The following ZNF385D variants were observed in gnomAD, a reference collection of about 807,000 sequenced individuals.
The protein encoded by ZNF385D is zinc finger protein 659.
A neutral mutation model predicts 35.8 loss-of-function variants in ZNF385D; 15 were observed. That is an observed-to-expected ratio of 0.42 (90% CI 0.28 to 0.64). The LOEUF (loss-of-function observed/expected upper bound fraction) is 0.64. Ranked by LOEUF, ZNF385D falls within the 30% of genes least tolerant of loss-of-function variation. The pLI is 0.23. For synonymous variants in ZNF385D, 212 were observed against 186.8 expected, an observed-to-expected ratio of 1.13 and a Z score of -1.10; for missense variants, 474 against 494.6, an observed-to-expected ratio of 0.96 and a Z score of 0.39.
intron 1 of ZNF385D, among the ~76,000 whole-genome samples, chr3:21,749,301 C>T (rs573195313): frequency 2.6e-5 from 4 of 152,286 alleles, no homozygotes; most frequent in Non-Finnish European, 5.9e-5. Flanking sequence ...AATAGTCACA[C>T]GATAATCCAG....
intron 3 of ZNF385D, among the ~76,000 whole-genome samples, chr3:21,945,238 G>T (rs1287067341): frequency 6.6e-6 from 1 of 151,920 alleles, no homozygotes; most frequent in Non-Finnish European, 1.5e-5. Context: ...AGAGAGAGGA[G>T]AAAGAGAAAT....
chr3:22,300,537 T>A (rs908934975), intron 2 of ZNF385D, among the ~76,000 whole-genome samples: 4 of 151,872 alleles, frequency 2.6e-5, no homozygotes, highest in Admixed American at 2.6e-4. Flanking sequence ...TGCAAACTAT[T>A]CATCTGAAAA....
At chr3:21,713,501 T>TC (rs1240125940) in intron 1 of ZNF385D, among the ~76,000 whole-genome samples, 4 of 151,970 alleles carry the variant, frequency 2.6e-5, no homozygotes, top group Admixed American at 6.6e-5. Context: ...CTGGTCTCCT[T>TC]CCCTCCTTCT....
chr3:22,131,092 T>C (rs866129781), intron 3 of ZNF385D, among the ~76,000 whole-genome samples: 4 of 152,136 alleles, frequency 2.6e-5, no homozygotes, highest in African/African-American at 9.7e-5. Flanking sequence ...AACAGTTAAA[T>C]TCATGATGTT....
At chr3:22,000,458 GC>G (rs1695767947) in intron 3 of ZNF385D, among the ~76,000 whole-genome samples, 2 of 152,166 alleles carry the variant, frequency 1.3e-5, no homozygotes, top group Admixed American at 1.3e-4. Context: ...AAAAGGGGAG[GC>G]ATGAATAATC....
At chr3:21,451,739 C>G (rs138703533) in intron 4 of ZNF385D, among the ~76,000 whole-genome samples, 1 of 152,088 alleles carries the variant, frequency 6.6e-6, no homozygotes, top group Non-Finnish European at 1.5e-5. Flanking sequence ...TTTGTATCCA[C>G]TTCTCTGTTT....
chr3:21,425,852 A>G (rs1020327943), intron 5 of ZNF385D, among the ~76,000 whole-genome samples, 182 bp from the exon 6 acceptor site: 7 of 152,228 alleles, frequency 4.6e-5, no homozygotes, highest in Non-Finnish European at 1.0e-4. Flanking sequence ...AAGTATATAC[A>G]TGATACAGCA....
intron 2 of ZNF385D, among the ~76,000 whole-genome samples, chr3:22,183,180 C>T (rs1695398559): frequency 6.6e-6 from 1 of 152,112 alleles, no homozygotes; most frequent in South Asian, 2.1e-4. Flanking sequence ...GTTAAGTTTA[C>T]ATATAGTATT....
intron 3 of ZNF385D, among the ~76,000 whole-genome samples, chr3:22,032,845 A>G (rs931303272): frequency 6.6e-6 from 1 of 152,036 alleles, no homozygotes; most frequent in Non-Finnish European, 1.5e-5. Context: ...CTCCACAATT[A>G]CCCCTGAGCT....
intron 3 of ZNF385D, among the ~76,000 whole-genome samples, chr3:21,555,321 C>T (rs928435453): frequency 6.6e-6 from 1 of 151,754 alleles, no homozygotes; most frequent in African/African-American, 2.4e-5. Flanking sequence ...CACCCATCAA[C>T]CTGTCATCTA....
At chr3:21,952,312 T>C (rs927445177) in intron 3 of ZNF385D, among the ~76,000 whole-genome samples, 8 of 151,988 alleles carry the variant, frequency 5.3e-5, no homozygotes, top group African/African-American at 1.4e-4. Flanking sequence ...TTTTACTCTC[T>C]AACGTGACAT....
chr3:21,929,677 T>C (rs1700906969), intron 3 of ZNF385D, among the ~76,000 whole-genome samples: 1 of 151,824 alleles, frequency 6.6e-6, no homozygotes, highest in South Asian at 2.1e-4. Flanking sequence ...CATCTAAAAA[T>C]AAAATTAAGA....
At position 22,309,743 on chromosome 3, in the gene ZNF385D, G is replaced by T. The variant is rs572893406; in HGVS notation, c.106+62707C>A. Reference sequence around the variant, plus strand: ...TCAAGGGTCACCACTCTTTTGAAAAGAGTAGTATTCTCTCTCTCTTCCTTG... The same window carrying T: ...TCAAGGGTCACCACTCTTTTGAAAATAGTAGTATTCTCTCTCTCTTCCTTG... On this transcript the variant is annotated intron_variant, in intron 2 of 5. Coordinates refer to the ZNF385D transcript ENST00000494108. Among the ~76,000 whole-genome samples the T allele has an allele frequency of 3.3e-5, 5 of 152,084 alleles. No individual in the cohort carries two copies. In the South Asian group the frequency reaches 6.2e-4, roughly 19 times the overall value.
At chr3:21,902,532 A>T (rs1266578071) in intron 3 of ZNF385D, among the ~76,000 whole-genome samples, 2 of 152,182 alleles carry the variant, frequency 1.3e-5, no homozygotes, top group African/African-American at 2.4e-5. Flanking sequence ...CTTTTATAGA[A>T]TCAAGTAGCT....
chr3:22,119,590 C>T, intron 3 of ZNF385D, among the ~76,000 whole-genome samples: 1 of 152,088 alleles, frequency 6.6e-6, no homozygotes, highest in East Asian at 1.9e-4. Flanking sequence ...GTCACTGTCT[C>T]TCCCAAAATA....
chr3:22,283,023 GC>G (rs1701843742), intron 2 of ZNF385D, among the ~76,000 whole-genome samples: 1 of 152,052 alleles, frequency 6.6e-6, no homozygotes, highest in Non-Finnish European at 1.5e-5. Flanking sequence ...CCAAAAGTGA[GC>G]AGGAGTAACT....
intron 3 of ZNF385D, among the ~76,000 whole-genome samples, chr3:21,827,276 T>C (rs1694701690): frequency 6.6e-6 from 1 of 152,210 alleles, no homozygotes; most frequent in Admixed American, 6.5e-5. Context: ...TCCCTGGATA[T>C]TGTTTATTTT....
At chr3:21,709,937 A>G (rs1017717338) in intron 1 of ZNF385D, among the ~76,000 whole-genome samples, 26 of 152,206 alleles carry the variant, frequency 1.7e-4, no homozygotes, top group African/African-American at 4.8e-4. Context: ...CGGCACACCC[A>G]TACGTGGAAT....
At chr3:22,069,481 TA>T (rs1700125865) in intron 3 of ZNF385D, among the ~76,000 whole-genome samples, 1 of 152,174 alleles carries the variant, frequency 6.6e-6, no homozygotes, top group Non-Finnish European at 1.5e-5. Flanking sequence ...ATAGGCAATA[TA>T]AAGGTAACAT....
Sources: allele counts gnomAD v4.1 joint callset (sites outside exome capture counted in the v4.1 genomes callset), GRCh38; gene constraint gnomAD v4.1.1; transcripts MANE v1.5; gene names NCBI Gene and HGNC (gene_info 2026-07-23, HGNC 2026-07-21).